Variants in XPO4 observed in about 807,000 individuals in gnomAD.
XPO4 encodes the protein exportin-4.
A neutral mutation model predicts 143.0 loss-of-function variants in XPO4; 39 were observed. That is an observed-to-expected ratio of 0.27 (90% CI 0.21 to 0.36). The LOEUF is 0.36. Among genes scored for constraint, XPO4 ranks in the 10% least tolerant of loss-of-function variants. The pLI, the probability that XPO4 is intolerant of heterozygous loss-of-function variation, is 1.00. For missense variants in XPO4, 907 were observed against 1,348.0 expected, an observed-to-expected ratio of 0.67 and a Z score of 5.12; for synonymous variants, 439 against 474.0, an observed-to-expected ratio of 0.93 and a Z score of 0.96.
chr13:20,810,355 G>A (rs2059564988), intron 9 of XPO4, among the ~76,000 whole-genome samples: 1 of 152,064 alleles, frequency 6.6e-6, no homozygotes, highest in South Asian at 2.1e-4. Flanking sequence ...AGAATATGTG[G>A]GGAGAACTCC....
Position 20,779,379 on chromosome 13 carries a change from A to G in XPO4, c.*4343T>C, listed in dbSNP as rs1205794266. On this transcript the variant is annotated 3_prime_UTR_variant, in exon 23 of 23. Transcript: ENST00000255305. ...GATCCCTAGTAGGTACATAGTGCAG[A>G]TGCAGTATATAATTTCAGGCTAGGA... The G allele has an allele frequency of 7.2e-5, 11 of 152,768 alleles. No individual in the cohort carries two copies. Among genetic ancestry groups the G allele is most frequent in the African/African-American group, 2.6e-4 (11 of 41,590 alleles). The allele number at this position is 152,768 out of a possible 1,614,324, so 9.5% of individuals were successfully genotyped here.
At chr13:20,886,144 C>G (rs562914227) in intron 1 of XPO4, among the ~76,000 whole-genome samples, 1 of 152,184 alleles carries the variant, frequency 6.6e-6, no homozygotes, top group Admixed American at 6.5e-5. Flanking sequence ...ACATACTGAA[C>G]AAAAACTGAC....
chr13:20,815,559 AGTTT>A (rs941724576), intron 9 of XPO4, among the ~76,000 whole-genome samples: 4 of 152,122 alleles, frequency 2.6e-5, no homozygotes, highest in African/African-American at 4.8e-5. Flanking sequence ...TAAGGTAGTT[AGTTT>A]GTTTTCCTGT....
At chr13:20,840,683 T>TTGAAATTGATTTCCC (rs1239213227) in intron 6 of XPO4, among the ~76,000 whole-genome samples, 5 of 152,232 alleles carry the variant, frequency 3.3e-5, no homozygotes, top group Non-Finnish European at 7.3e-5. Context: ...ATTGAGTTCC[T>TTGAAATTGATTTCCC]TGAAATTGAT....
At chr13:20,874,989 G>A (rs1040595510) in intron 1 of XPO4, among the ~76,000 whole-genome samples, 9 of 128,734 alleles carry the variant, frequency 7.0e-5, no homozygotes, top group South Asian at 2.3e-4. Flanking sequence ...GTGAGACTCC[G>A]TCTCAAAAAA....
At chr13:20,795,738 T>C (rs2059349946) in intron 18 of XPO4, among the ~76,000 whole-genome samples, 1 of 152,230 alleles carries the variant, frequency 6.6e-6, no homozygotes, top group Admixed American at 6.5e-5. Context: ...GCTAAGTATC[T>C]GTGGCCAAGT....
chr13:20,786,427 C>T (rs909350304), intron 22 of XPO4, among the ~76,000 whole-genome samples: 1 of 151,916 alleles, frequency 6.6e-6, no homozygotes, highest in East Asian at 1.9e-4. Flanking sequence ...ATAAATTTCA[C>T]AGGCACCTAT....
intron 9 of XPO4, among the ~76,000 whole-genome samples, chr13:20,810,893 T>A (rs1305062761): frequency 6.6e-6 from 1 of 152,150 alleles, no homozygotes; most frequent in African/African-American, 2.4e-5. Flanking sequence ...TATTACTGAA[T>A]TAAAGTGTTA....
At chr13:20,880,183 C>G (rs2060393912) in intron 1 of XPO4, among the ~76,000 whole-genome samples, 1 of 152,150 alleles carries the variant, frequency 6.6e-6, no homozygotes, top group Admixed American at 6.6e-5. Flanking sequence ...CCTGTAATCC[C>G]AGCACTTTGG....
chr13:20,809,881 G>A lies in XPO4; in HGVS notation c.1260C>T (p.Phe420=). The A allele has an allele frequency of 6.2e-7, 1 of 1,613,848 alleles. No individual in the cohort carries two copies. The highest frequency in any genetic ancestry group is 8.5e-7 in the Non-Finnish European group (1 of 1,179,844). Reference sequence around the variant, plus strand: ...CATGTTGGGTAAAAAAGCCTTTATGGAAATGTTTGTCATCTTGAACCAAAG... The same window carrying A: ...CATGTTGGGTAAAAAAGCCTTTATGAAAATGTTTGTCATCTTGAACCAAAG... ...WLTLVQDDKH[F]HKGFFTQHAV... Residue 420 remains phenylalanine (F), a synonymous_variant, in exon 10 of 23, where the codon TTC becomes TTT. Coordinates refer to ENST00000255305, the MANE Select transcript of XPO4 (RefSeq NM_022459.5).
At chr13:20,878,078 T>C (rs1245643334) in intron 1 of XPO4, among the ~76,000 whole-genome samples, 4 of 151,990 alleles carry the variant, frequency 2.6e-5, no homozygotes, top group Admixed American at 1.3e-4. Context: ...GCACCTGCAG[T>C]CCCAGCTACT....
intron 1 of XPO4, among the ~76,000 whole-genome samples, chr13:20,892,628 C>T (rs1191728752): frequency 6.6e-6 from 1 of 152,084 alleles, no homozygotes; most frequent in Non-Finnish European, 1.5e-5. Flanking sequence ...GAGAGACCAA[C>T]GTTCATTAAT....
At chr13:20,844,535 T>C (rs1167069046) in intron 4 of XPO4, among the ~76,000 whole-genome samples, 10 of 152,274 alleles carry the variant, frequency 6.6e-5, no homozygotes, top group Admixed American at 6.5e-4. Flanking sequence ...GGATACAAAT[T>C]ATTTTGGCAA....
In XPO4 at chr13:20,819,066, G is replaced by C. The variant is rs541579857; in HGVS notation, c.1173+2638C>G. Among the ~76,000 whole-genome samples, 461 of 152,136 alleles carry C rather than the reference G, an allele frequency of 3.0e-3. 3 individuals are homozygous for C. The highest frequency in any genetic ancestry group is 2.1e-3 in the Non-Finnish European group (146 of 67,986). On this transcript the variant is annotated intron_variant, in intron 9 of 22. Coordinates refer to ENST00000255305, the MANE Select transcript of XPO4 (RefSeq NM_022459.5). ...TCGAACTCCTGACCTCAGGCAATCCGCCTGCCTCAGTCTCCCAAAGTACTG... is the reference window on the plus strand; with the variant it reads ...TCGAACTCCTGACCTCAGGCAATCCCCCTGCCTCAGTCTCCCAAAGTACTG...
At position 20,887,861 on chromosome 13, in the gene XPO4, AAAAGG is replaced by A. The variant is rs1342468483; in HGVS notation, c.69+14804_69+14808del. ...GGGCGACAGTCAGACTCTGTCTCAAAAAAGGAAAGGAAAAGAAAAAAAAAAGAGGT... is the reference window on the plus strand; with the variant it reads ...GGGCGACAGTCAGACTCTGTCTCAAAAAAGGAAAAGAAAAAAAAAAGAGGT... On this transcript the variant is annotated intron_variant, in intron 1 of 22. Transcript: ENST00000255305. 4.7e-5 allele frequency among the ~76,000 whole-genome samples: 7 copies of A among 148,574 alleles called. No homozygotes were observed. The South Asian group carries it at 1.1e-3, about 23-fold the overall frequency.
At chr13:20,849,886 A>T in intron 4 of XPO4, 2 of 850,548 alleles carry the variant, frequency 2.4e-6, no homozygotes, top group Non-Finnish European at 2.8e-6. Context: ...TGGGCAGATC[A>T]CTTGAGGTCA....
At chr13:20,845,637 A>AC (rs2060022323) in intron 4 of XPO4, among the ~76,000 whole-genome samples, 2 of 152,158 alleles carry the variant, frequency 1.3e-5, no homozygotes, top group Non-Finnish European at 1.5e-5. Flanking sequence ...CAATCCCTTC[A>AC]TTTTTTTAGT....
chr13:20,866,161 C>G (rs1384744422), intron 2 of XPO4: 3 of 985,078 alleles, frequency 3.0e-6, no homozygotes, highest in Non-Finnish European at 3.6e-6. Flanking sequence ...TACTAAGTGC[C>G]AAAGACTTCT....
intron 22 of XPO4, among the ~76,000 whole-genome samples, chr13:20,784,882 C>T (rs2059181440): frequency 6.6e-6 from 1 of 152,116 alleles, no homozygotes; most frequent in South Asian, 2.1e-4. Flanking sequence ...GTTGAGGCTG[C>T]AGTGAGCCAT....
Sources: allele counts gnomAD v4.1 joint callset (sites outside exome capture counted in the v4.1 genomes callset), GRCh38; gene constraint gnomAD v4.1.1; transcripts MANE v1.5; gene names NCBI Gene and HGNC (gene_info 2026-07-23, HGNC 2026-07-21).